SEPTIN10: variants seen among roughly 807,000 people sequenced by gnomAD.
SEPTIN10 encodes the protein septin-10.
In SEPTIN10, 66 loss-of-function variants were observed where a neutral mutation model predicts 54.8. The observed-to-expected ratio is 1.21, with a 90% confidence interval of 0.99 to 1.48. SEPTIN10 has a LOEUF of 1.48. Ranked by LOEUF, SEPTIN10 falls within the 40% of genes most tolerant of loss-of-function variation. The probability of loss-of-function intolerance (pLI) is 0.00; values close to 1 mark genes in which losing one functional copy is unlikely to be tolerated. For synonymous variants in SEPTIN10, 161 were observed against 181.0 expected, an observed-to-expected ratio of 0.89 and a Z score of 0.89; for missense variants, 620 against 545.6, an observed-to-expected ratio of 1.14 and a Z score of -1.36.
At chr2:109,561,529 G>A (rs1685653105) in intron 8 of SEPTIN10, among the ~76,000 whole-genome samples, 1 of 152,084 alleles carries the variant, frequency 6.6e-6, no homozygotes, top group Non-Finnish European at 1.5e-5. Flanking sequence ...ATTTTACCCA[G>A]TATTATTCAC....
chr2:109,594,914 G>A (rs1003700033), intron 1 of SEPTIN10: 1 of 151,480 alleles, frequency 6.6e-6, no homozygotes. Flanking sequence ...TTGAGACAGA[G>A]TCTCACTCCG....
At chr2:109,588,970 C>T (rs1693279481) in intron 2 of SEPTIN10, among the ~76,000 whole-genome samples, 1 of 151,178 alleles carries the variant, frequency 6.6e-6, no homozygotes, top group Non-Finnish European at 1.5e-5. Flanking sequence ...AATGAAAGGA[C>T]AATGGCACAT....
chr2:109,611,291 T>C (rs927967671), intron 1 of SEPTIN10, among the ~76,000 whole-genome samples: 4 of 152,168 alleles, frequency 2.6e-5, no homozygotes, highest in African/African-American at 9.7e-5. Flanking sequence ...GTTCTTAAAC[T>C]TGACACCAAA....
intron 2 of SEPTIN10, among the ~76,000 whole-genome samples, chr2:109,591,821 C>A (rs1036468173): frequency 6.6e-6 from 1 of 152,188 alleles, no homozygotes; most frequent in African/African-American, 2.4e-5. Context: ...TTGCTTGAAC[C>A]TGGGAGGTGT....
chr2:109,578,022 A>G (rs761768010), intron 4 of SEPTIN10, among the ~76,000 whole-genome samples: 14 of 152,098 alleles, frequency 9.2e-5, no homozygotes, highest in Non-Finnish European at 1.8e-4. Flanking sequence ...TGTATTATCA[A>G]TGAGAAGTAT....
At chr2:109,568,019 T>C (rs1687477817) in intron 5 of SEPTIN10, 43 bp from the exon 6 acceptor site, 2 of 1,462,072 alleles carry the variant, frequency 1.4e-6, no homozygotes, top group Non-Finnish European at 1.8e-6. Flanking sequence ...GAGGATTTTT[T>C]TTTTTAATCC....
chr2:109,600,127 T>A (rs1038935404), intron 1 of SEPTIN10, among the ~76,000 whole-genome samples: 16 of 152,288 alleles, frequency 1.1e-4, no homozygotes, highest in East Asian at 3.9e-4. Context: ...ACAGTAGGGA[T>A]GTCAGGGCTG....
At chr2:109,610,990 T>C (rs544488376) in intron 1 of SEPTIN10, among the ~76,000 whole-genome samples, 3 of 152,266 alleles carry the variant, frequency 2.0e-5, no homozygotes, top group African/African-American at 7.2e-5. Flanking sequence ...GAATCAAGAC[T>C]GCGTGCTAAC....
intron 8 of SEPTIN10, among the ~76,000 whole-genome samples, chr2:109,562,215 AAATAAT>A (rs140183234): frequency 0.13 from 20,164 of 151,268 alleles, 1,819 homozygotes; most frequent in African/African-American, 0.26. Context: ...TCTATCTCAA[AAATAAT>A]AATAATAATA....
intron 5 of SEPTIN10, among the ~76,000 whole-genome samples, chr2:109,569,711 T>G (rs1687910704): frequency 6.6e-6 from 1 of 152,172 alleles, no homozygotes. Flanking sequence ...CAACAAATTA[T>G]GCCAAGTTAA....
intron 9 of SEPTIN10, among the ~76,000 whole-genome samples, chr2:109,549,148 C>T (rs781735014): frequency 1.1e-4 from 17 of 152,110 alleles, no homozygotes; most frequent in Non-Finnish European, 1.8e-4. Flanking sequence ...TCATTCAAAT[C>T]GGTGGCACAA....
intron 8 of SEPTIN10, among the ~76,000 whole-genome samples, chr2:109,558,362 A>G (rs1006821617): frequency 6.6e-6 from 1 of 152,230 alleles, no homozygotes; most frequent in South Asian, 2.1e-4. Flanking sequence ...TCAAATACTT[A>G]AACAACTCTA....
Position 109,567,964 on chromosome 2 carries a change from G to A in SEPTIN10, c.613C>T (p.Pro205Ser). ...ACCGTATCTGCTTTGGCAATCACTG[G>A]TATAATGTTTACCTATTAAGAATAA... Reference protein sequence around the residue: ...KNLDSKVNIIPVIAKADTVSK... With the variant: ...KNLDSKVNIISVIAKADTVSK... The change falls in exon 6 of 11, where the codon CCA becomes TCA. Residue 205 changes from proline to serine, a missense_variant. Transcript: ENST00000397712. 1 of 1,602,896 alleles carries A rather than the reference G, an allele frequency of 6.2e-7. No individual in the cohort carries two copies. Among genetic ancestry groups the A allele is most frequent in the Non-Finnish European group, 8.5e-7 (1 of 1,176,240 alleles).
rs962001743 is a variant in SEPTIN10 at position 109,555,910 on chromosome 2, C to G, written c.1029-2691G>C. ...CTTCGTTCAGTCCCGTAGTGACTGC[C>G]AAACTCCCCAGTTAGAATTAACTGT... is the stretch of plus-strand genomic sequence containing the variant. On this transcript the variant is annotated intron_variant, in intron 8 of 10. Coordinates refer to ENST00000397712, the MANE Select transcript of SEPTIN10 (RefSeq NM_144710.5). 5.9e-5 allele frequency among the ~76,000 whole-genome samples: 9 copies of G among 152,250 alleles called. No individual in the cohort carries two copies. In the South Asian group the frequency reaches 1.9e-3, roughly 32 times the overall value.
Position 109,593,043 on chromosome 2 carries a change from A to G in SEPTIN10, c.99+8T>C. 1 of 1,569,896 alleles carries G rather than the reference A, an allele frequency of 6.4e-7. No homozygotes were observed. ...ACAATATGGTATCTATTTAAAAGAC[A>G]TACTCACTATCTGTTCATCATCTGA... On this transcript the variant is annotated splice_region_variant and intron_variant, in intron 2 of 10. Coordinates refer to ENST00000397712, the MANE Select transcript of SEPTIN10 (RefSeq NM_144710.5).
intron 2 of SEPTIN10, among the ~76,000 whole-genome samples, chr2:109,591,101 G>A (rs1693962546): frequency 6.6e-6 from 1 of 152,154 alleles, no homozygotes; most frequent in African/African-American, 2.4e-5. Context: ...TCTCTTTTGT[G>A]CCATTTGAAT....
At chr2:109,546,484 CATT>C (rs1681282463) in intron 9 of SEPTIN10, among the ~76,000 whole-genome samples, 1 of 151,846 alleles carries the variant, frequency 6.6e-6, no homozygotes, top group Non-Finnish European at 1.5e-5. Flanking sequence ...ATTTTTAAAA[CATT>C]GTGAACTTTT....
chr2:109,545,520 G>A (rs1015904327), intron 10 of SEPTIN10: 7 of 1,535,912 alleles, frequency 4.6e-6, no homozygotes, highest in Middle Eastern at 1.7e-4. Context: ...ATGCACAGGA[G>A]TTCGAATCGA....
At chr2:109,565,429 T>C (rs1408557843) in intron 7 of SEPTIN10, among the ~76,000 whole-genome samples, 1 of 151,752 alleles carries the variant, frequency 6.6e-6, no homozygotes, top group East Asian at 1.9e-4. Flanking sequence ...AATATATAAA[T>C]TTATAAGATG....
Sources: allele counts gnomAD v4.1 joint callset (sites outside exome capture counted in the v4.1 genomes callset), GRCh38; gene constraint gnomAD v4.1.1; transcripts MANE v1.5; gene names NCBI Gene and HGNC (gene_info 2026-07-23, HGNC 2026-07-21).